The following FHIT variants were observed in gnomAD, a reference collection of about 807,000 sequenced individuals.
FHIT encodes the protein bis(5'-adenosyl)-triphosphatase.
A neutral mutation model predicts 17.9 loss-of-function variants in FHIT; 19 were observed. That is an observed-to-expected ratio of 1.06 (90% CI 0.74 to 1.56). The LOEUF (loss-of-function observed/expected upper bound fraction) is 1.56. Among genes scored for constraint, FHIT ranks in the 40% most tolerant of loss-of-function variants. The probability of loss-of-function intolerance (pLI) is 0.00; values close to 1 mark genes in which losing one functional copy is unlikely to be tolerated. For synonymous variants in FHIT, 81 were observed against 69.7 expected, an observed-to-expected ratio of 1.16 and a Z score of -0.81; for missense variants, 248 against 189.2, an observed-to-expected ratio of 1.31 and a Z score of -1.82.
intron 5 of FHIT, among the ~76,000 whole-genome samples, chr3:60,121,648 C>T (rs1705254188): frequency 6.6e-6 from 1 of 151,784 alleles, no homozygotes; most frequent in Admixed American, 6.6e-5. Flanking sequence ...CATGCCATTG[C>T]ACTCCAGCCT....
intron 1 of FHIT, among the ~76,000 whole-genome samples, chr3:61,231,646 T>G (rs530357012): frequency 2.0e-5 from 3 of 152,332 alleles, no homozygotes; most frequent in South Asian, 2.1e-4. Context: ...TTGGCAAAGA[T>G]GTACTGAGGA....
At chr3:60,325,022 T>C (rs1269317345) in intron 5 of FHIT, among the ~76,000 whole-genome samples, 1 of 152,166 alleles carries the variant, frequency 6.6e-6, no homozygotes, top group African/African-American at 2.4e-5. Context: ...GTTTCTACTG[T>C]GCTAATATAT....
intron 4 of FHIT, among the ~76,000 whole-genome samples, chr3:60,720,482 A>G (rs1053462078): frequency 1.2e-4 from 18 of 152,228 alleles, no homozygotes; most frequent in Non-Finnish European, 2.4e-4. Flanking sequence ...AGAGAGCAAG[A>G]GCTTACTTAA....
chr3:61,078,868 T>C (rs1474657551), intron 2 of FHIT, among the ~76,000 whole-genome samples: 5 of 152,316 alleles, frequency 3.3e-5, no homozygotes, highest in Admixed American at 6.5e-5. Flanking sequence ...AATCCACTGA[T>C]TTCTTTAATG....
chr3:60,651,709 A>G (rs1313454108), intron 4 of FHIT, among the ~76,000 whole-genome samples: 1 of 152,212 alleles, frequency 6.6e-6, no homozygotes, highest in Non-Finnish European at 1.5e-5. Flanking sequence ...AGCTCTATCT[A>G]ATTAATGAAA....
At chr3:59,843,204 T>C (rs1701593807) in intron 8 of FHIT, among the ~76,000 whole-genome samples, 1 of 152,196 alleles carries the variant, frequency 6.6e-6, no homozygotes, top group Non-Finnish European at 1.5e-5. Context: ...GGCACTCTTG[T>C]CAAAAATCAT....
intron 4 of FHIT, among the ~76,000 whole-genome samples, chr3:60,743,827 G>T (rs1322267188): frequency 6.6e-6 from 1 of 152,230 alleles, no homozygotes; most frequent in Non-Finnish European, 1.5e-5. Context: ...AGGAGACTCA[G>T]CGCTGGTTCT....
At chr3:59,983,158 C>CA (rs1708730122) in intron 7 of FHIT, among the ~76,000 whole-genome samples, 1 of 152,052 alleles carries the variant, frequency 6.6e-6, no homozygotes, top group South Asian at 2.1e-4. Flanking sequence ...AGGCTGGCCT[C>CA]AAACTCCTGA....
At chr3:60,986,377 C>T (rs1710720880) in intron 3 of FHIT, among the ~76,000 whole-genome samples, 1 of 152,118 alleles carries the variant, frequency 6.6e-6, no homozygotes, top group East Asian at 1.9e-4. Context: ...TTAAAAATTG[C>T]TTTAATTCTA....
At chr3:61,112,873 CCAAA>C (rs1202710725) in intron 2 of FHIT, among the ~76,000 whole-genome samples, 1 of 152,132 alleles carries the variant, frequency 6.6e-6, no homozygotes, top group Non-Finnish European at 1.5e-5. Context: ...TCAAAATTTA[CCAAA>C]CAAACAGTGC....
intron 3 of FHIT, among the ~76,000 whole-genome samples, chr3:60,858,815 G>T (rs937998036): frequency 6.6e-6 from 1 of 152,122 alleles, no homozygotes; most frequent in Non-Finnish European, 1.5e-5. Flanking sequence ...TCCTAGCAGT[G>T]CTCATTACCT....
intron 4 of FHIT, among the ~76,000 whole-genome samples, chr3:60,799,023 T>C (rs1381805600): frequency 3.3e-5 from 5 of 152,122 alleles, no homozygotes; most frequent in Non-Finnish European, 7.4e-5. Context: ...CAATAGGTTT[T>C]TTATTGCTCT....
At chr3:60,780,453 C>T (rs955415512) in intron 4 of FHIT, among the ~76,000 whole-genome samples, 16 of 152,166 alleles carry the variant, frequency 1.1e-4, no homozygotes, top group African/African-American at 3.1e-4. Flanking sequence ...CCTCCCTCTA[C>T]GTGTGCAAAC....
At chr3:60,401,380 C>T (rs1465461333) in intron 5 of FHIT, among the ~76,000 whole-genome samples, 1 of 152,186 alleles carries the variant, frequency 6.6e-6, no homozygotes, top group Non-Finnish European at 1.5e-5. Context: ...CTGCCAGACT[C>T]ACTGATCCTC....
chr3:60,579,496 T>C (rs2037685051), intron 4 of FHIT, among the ~76,000 whole-genome samples: 1 of 152,164 alleles, frequency 6.6e-6, no homozygotes, highest in Non-Finnish European at 1.5e-5. Context: ...ACTTAGTTAG[T>C]GCCCTGGCAA....
intron 5 of FHIT, among the ~76,000 whole-genome samples, chr3:60,462,852 TAC>T (rs2032560483): frequency 6.6e-6 from 1 of 152,190 alleles, no homozygotes; most frequent in Admixed American, 6.5e-5. Context: ...TGGCTGTATC[TAC>T]ACAGTCATGG....
At chr3:59,919,210 T>C (rs1183178640) in intron 8 of FHIT, among the ~76,000 whole-genome samples, 3 of 152,168 alleles carry the variant, frequency 2.0e-5, no homozygotes, top group African/African-American at 7.2e-5. Context: ...TGACCAAATG[T>C]AGATATCCTC....
chr3:61,020,766 G>A (rs925033887), intron 3 of FHIT, among the ~76,000 whole-genome samples: 24 of 151,864 alleles, frequency 1.6e-4, no homozygotes, highest in Non-Finnish European at 2.4e-4. Flanking sequence ...GTGCTGTATC[G>A]GTGCGCTATA....
chr3:61,221,811 A>C (rs1399178104), intron 1 of FHIT, among the ~76,000 whole-genome samples: 2 of 152,178 alleles, frequency 1.3e-5, no homozygotes, highest in Non-Finnish European at 2.9e-5. Flanking sequence ...ACAGTTGCCA[A>C]CTCTACCCAC....
Sources: allele counts gnomAD v4.1 joint callset (sites outside exome capture counted in the v4.1 genomes callset), GRCh38; gene constraint gnomAD v4.1.1; transcripts MANE v1.5; gene names NCBI Gene and HGNC (gene_info 2026-07-23, HGNC 2026-07-21).